CCBE1: variants seen among roughly 807,000 people sequenced by gnomAD.
CCBE1 encodes the protein collagen and calcium-binding EGF domain-containing protein 1.
Under a neutral mutation model 50.0 loss-of-function variants are expected in CCBE1, and 37 were observed. That is an observed-to-expected ratio of 0.74 (90% CI 0.57 to 0.97). The LOEUF (loss-of-function observed/expected upper bound fraction) is 0.97. Among genes scored for constraint, CCBE1 ranks in the 50% least tolerant of loss-of-function variants. CCBE1 has a pLI of 0.00. For synonymous variants in CCBE1, 234 were observed against 203.7 expected (o/e 1.15, Z -1.27); for missense variants, 538 against 523.8 (o/e 1.03, Z -0.26).
Position 59,494,457 on chromosome 18 carries a change from G to A in CCBE1, c.213-14219C>T, listed in dbSNP as rs760338759. On this transcript the variant is annotated intron_variant, in intron 2 of 10. Coordinates refer to ENST00000439986, the MANE Select transcript of CCBE1 (RefSeq NM_133459.4). ...GAAATAAAAGACTACAGACAGAGTC[G>A]TTAAAAAGGCTACTAAAATATTTCA... Among the ~76,000 whole-genome samples the A allele has an allele frequency of 1.7e-4, 26 of 152,048 alleles. No homozygotes were observed. The South Asian group carries it at 2.1e-3, about 12-fold the overall frequency.
intron 4 of CCBE1, among the ~76,000 whole-genome samples, chr18:59,467,897 C>G (rs1167316698): frequency 2.0e-5 from 3 of 152,190 alleles, no homozygotes; most frequent in Non-Finnish European, 4.4e-5. Flanking sequence ...ACTATGTCAC[C>G]TGTAGACCGG....
intron 2 of CCBE1, among the ~76,000 whole-genome samples, chr18:59,650,783 TCCCTACCGATCC>T (rs2054117074): frequency 6.6e-6 from 1 of 151,188 alleles, no homozygotes; most frequent in Admixed American, 6.6e-5. Context: ...AAGCCCATCC[TCCCTACCGATCC>T]TGTACCTGGG....
At chr18:59,516,734 C>G (rs1325399604) in intron 2 of CCBE1, among the ~76,000 whole-genome samples, 1 of 152,174 alleles carries the variant, frequency 6.6e-6, no homozygotes, top group East Asian at 1.9e-4. Flanking sequence ...CCTGAGACTT[C>G]AGACTCTTGG....
At chr18:59,469,249 T>A (rs548604332) in intron 4 of CCBE1, among the ~76,000 whole-genome samples, 1 of 152,348 alleles carries the variant, frequency 6.6e-6, no homozygotes, top group South Asian at 2.1e-4. Context: ...TGCTCTTATG[T>A]CTCATTGCCA....
chr18:59,695,788 G>C (rs1011068084), intron 2 of CCBE1, among the ~76,000 whole-genome samples: 1 of 152,298 alleles, frequency 6.6e-6, no homozygotes, highest in African/African-American at 2.4e-5. Context: ...GAGACAGTCA[G>C]GTGTGGGCAT....
intron 2 of CCBE1, among the ~76,000 whole-genome samples, chr18:59,676,821 T>A (rs949824489): frequency 6.6e-6 from 1 of 152,184 alleles, no homozygotes. Context: ...ACATCATAAT[T>A]AAATTCAGAA....
intron 2 of CCBE1, among the ~76,000 whole-genome samples, chr18:59,550,998 CAAAAAAAAAAAAAAAAA>C (rs555160847): frequency 8.4e-5 from 6 of 71,350 alleles, no homozygotes; most frequent in African/African-American, 2.8e-4. Context: ...CAGCGAGACT[CAAAAAAAAAAAAAAAAA>C]AAAAAAAAAA....
intron 2 of CCBE1, among the ~76,000 whole-genome samples, chr18:59,547,169 G>A (rs761018235): frequency 1.3e-5 from 2 of 151,136 alleles, no homozygotes; most frequent in East Asian, 2.0e-4. Flanking sequence ...AAAAGGAGAG[G>A]GAGAGAGAGG....
chr18:59,668,487 T>C (rs760405183), intron 2 of CCBE1, among the ~76,000 whole-genome samples: 2 of 152,046 alleles, frequency 1.3e-5, no homozygotes, highest in Non-Finnish European at 2.9e-5. Flanking sequence ...AATATATATT[T>C]CATATGTAAT....
At chr18:59,670,982 G>C (rs947701954) in intron 2 of CCBE1, among the ~76,000 whole-genome samples, 1 of 152,100 alleles carries the variant, frequency 6.6e-6, no homozygotes, top group African/African-American at 2.4e-5. Context: ...TCACTCCATC[G>C]TACAAGGCAT....
In CCBE1 at chr18:59,435,675, A is replaced by G. The variant is rs936827957; in HGVS notation, c.*233T>C. On this transcript the variant is annotated 3_prime_UTR_variant, in exon 11 of 11. Transcript: ENST00000439986. ...GTTACAATGCAAACCACCCCAATGG[A>G]CTCTTAGTGAGAAGCAGGTAAATCA... 1 of 589,572 alleles carries G rather than the reference A, an allele frequency of 1.7e-6. No homozygotes were observed. The allele number at this position is 589,572 out of a possible 1,614,324, so 36.5% of individuals were successfully genotyped here.
chr18:59,461,922 C>T (rs540932596), intron 5 of CCBE1, among the ~76,000 whole-genome samples: 15 of 151,942 alleles, frequency 9.9e-5, no homozygotes, highest in East Asian at 3.9e-4. Context: ...TTAGTAGAGA[C>T]GGGGTTTCAC....
chr18:59,481,692 T>C (rs1912578574), intron 2 of CCBE1, among the ~76,000 whole-genome samples: 1 of 152,196 alleles, frequency 6.6e-6, no homozygotes, highest in Non-Finnish European at 1.5e-5. Flanking sequence ...GAAAACAAAC[T>C]TGTGCAACCC....
chr18:59,586,617 G>A (rs549641143), intron 2 of CCBE1, among the ~76,000 whole-genome samples: 18 of 152,162 alleles, frequency 1.2e-4, no homozygotes, highest in Admixed American at 2.0e-4. Flanking sequence ...GAACATCTGC[G>A]ATGGGAAAGA....
intron 5 of CCBE1, among the ~76,000 whole-genome samples, chr18:59,459,703 T>C (rs1330807564): frequency 1.3e-5 from 2 of 152,212 alleles, no homozygotes; most frequent in African/African-American, 4.8e-5. Flanking sequence ...ACAAAGCATG[T>C]TTGTGTTTAA....
At chr18:59,438,197 A>T in intron 9 of CCBE1, 51 bp from the exon 10 acceptor site, 1 of 1,525,900 alleles carries the variant, frequency 6.6e-7, no homozygotes, top group Non-Finnish European at 9.1e-7. Flanking sequence ...GGATATCACA[A>T]GAATAGTCTC....
At position 59,433,501 on chromosome 18, in the gene CCBE1, T is replaced by C. The variant is rs1398118063; in HGVS notation, c.*2407A>G. On this transcript the variant is annotated 3_prime_UTR_variant, in exon 11 of 11. Coordinates refer to ENST00000439986, the MANE Select transcript of CCBE1 (RefSeq NM_133459.4). ...CATGAGTCCTGCATTTCCAACGTGGTAGGAAGAAGGGAAGGAAGACTGTTG... is the reference window on the plus strand; with the variant it reads ...CATGAGTCCTGCATTTCCAACGTGGCAGGAAGAAGGGAAGGAAGACTGTTG... 6.6e-6 allele frequency: 1 copy of C among 151,978 alleles called. No individual in the cohort carries two copies. The highest frequency in any genetic ancestry group is 1.9e-4 in the East Asian group (1 of 5,198). 9.4% of individuals were successfully genotyped at this position (151,978 alleles called of 1,614,324 possible).
At chr18:59,488,430 C>T (rs1055538651) in intron 2 of CCBE1, among the ~76,000 whole-genome samples, 15 of 152,026 alleles carry the variant, frequency 9.9e-5, no homozygotes, top group African/African-American at 3.6e-4. Context: ...TCATTAAAAC[C>T]CTGGTCATGG....
chr18:59,583,833 C>T (rs1354340421), intron 2 of CCBE1, among the ~76,000 whole-genome samples: 2 of 152,158 alleles, frequency 1.3e-5, no homozygotes, highest in African/African-American at 4.8e-5. Flanking sequence ...GGATCTGTGT[C>T]CCTGTGCAAA....
Sources: gnomAD v4.1 joint callset for allele counts (sites outside exome capture counted in the v4.1 genomes callset) on GRCh38, gnomAD v4.1.1 for gene constraint, MANE v1.5 for transcripts, NCBI Gene and HGNC (gene_info 2026-07-23, HGNC 2026-07-21) for gene names.